Variants in DUSP29 observed in about 807,000 individuals in gnomAD.
DUSP29 encodes dual specificity phosphatase 29.
DUSP29 carries 12 observed loss-of-function variants against 13.5 expected under a neutral mutation model. That is an observed-to-expected ratio of 0.89 (90% CI 0.57 to 1.44). The LOEUF (loss-of-function observed/expected upper bound fraction) is 1.44. Among genes scored for constraint, DUSP29 ranks in the 40% most tolerant of loss-of-function variants. The pLI is 0.00. For synonymous variants in DUSP29, 134 were observed against 128.7 expected (o/e 1.04, Z -0.28); for missense variants, 308 against 301.1 (o/e 1.02, Z -0.17).
At chr10:75,073,134 C>T (rs776649066) in intron 1 of DUSP29, among the ~76,000 whole-genome samples, 15 of 152,148 alleles carry the variant, frequency 9.9e-5, no homozygotes, top group South Asian at 2.1e-4. Context: ...ATCCCTGGAG[C>T]TTTAAGTACT....
intron 2 of DUSP29, among the ~76,000 whole-genome samples, chr10:75,048,958 A>G (rs1395388613): frequency 6.6e-6 from 1 of 152,234 alleles, no homozygotes; most frequent in Non-Finnish European, 1.5e-5. Context: ...TTACACTGGC[A>G]GTACTTTCCT....
At chr10:75,051,342 C>T (rs984017256) in intron 2 of DUSP29, among the ~76,000 whole-genome samples, 1 of 152,212 alleles carries the variant, frequency 6.6e-6, no homozygotes, top group Non-Finnish European at 1.5e-5. Context: ...CACCGTGAGA[C>T]ATGTTTTGCT....
chr10:75,043,703 TG>T, intron 3 of DUSP29, 93 bp downstream of exon 3: 1 of 1,043,156 alleles, frequency 9.6e-7, no homozygotes, highest in Middle Eastern at 3.1e-4. Context: ...GGAGCCTTAG[TG>T]GGGCGGGGAA....
chr10:75,044,052 G>A (rs1209836134), intron 2 of DUSP29, 35 bp from the exon 3 acceptor site: 1 of 1,583,920 alleles, frequency 6.3e-7, no homozygotes, highest in African/African-American at 1.3e-5. Flanking sequence ...TGGGCGCGCG[G>A]CGCCCTGCCC....
At chr10:75,052,866 C>T (rs528447826) in intron 2 of DUSP29, among the ~76,000 whole-genome samples, 3 of 152,348 alleles carry the variant, frequency 2.0e-5, no homozygotes, top group South Asian at 2.1e-4. Context: ...CCTCTGGCTG[C>T]GCTAGTTATA....
chr10:75,055,042 A>C (rs1273518248), intron 2 of DUSP29, among the ~76,000 whole-genome samples: 1 of 152,118 alleles, frequency 6.6e-6, no homozygotes, highest in African/African-American at 2.4e-5. Context: ...GTGTCTTGCT[A>C]TATTGCTCAG....
At chr10:75,055,149 T>C (rs977207011) in intron 2 of DUSP29, among the ~76,000 whole-genome samples, 1 of 152,096 alleles carries the variant, frequency 6.6e-6, no homozygotes, top group African/African-American at 2.4e-5. Flanking sequence ...GCCTATTACT[T>C]TCATTATAGG....
In DUSP29 at chr10:75,043,799, T is replaced by C. The variant is rs1846640535; in HGVS notation, c.419A>G (p.His140Arg). 2 of 1,611,978 alleles carry C rather than the reference T, an allele frequency of 1.2e-6. No homozygotes were observed. Among genetic ancestry groups the C allele is most frequent in the African/African-American group, 1.3e-5 (1 of 74,852 alleles). ...AFIDRALSDD[H>R]SKILVHCVMG... ...GGGCGGGGCCGCGGGTCTCTTACTG[T>C]GGTCGTCGCTTAGCGCTCTGTCGAT... Residue 140 changes from histidine (H) to arginine (R), a missense_variant and splice_region_variant, in exon 3 of 4, where the codon CAC becomes CGC. By Grantham distance (29) the His-to-Arg change is conservative. Transcript: ENST00000338487.
At position 75,037,945 on chromosome 10, in the gene DUSP29, G is replaced by A. The variant is rs765918480; in HGVS notation, c.554C>T (p.Pro185Leu). ...GAGCTGCTTCAAAAAGCCCCGGTTCGGGAGGACGCAGCGGTTCTTGGCCAC... is the reference window on the plus strand; with the variant it reads ...GAGCTGCTTCAAAAAGCCCCGGTTCAGGAGGACGCAGCGGTTCTTGGCCAC... ...QQVAKNRCVL[P>L]NRGFLKQLRE... The change falls in exon 4 of 4, where the codon CCG (proline) becomes CTG (leucine). Residue 185 changes from proline (P) to leucine (L), a missense_variant. Pro to Leu is a moderately conservative substitution (Grantham distance 98, BLOSUM62 -3). Coordinates refer to ENST00000338487, the MANE Select transcript of DUSP29 (RefSeq NM_001003892.3). The A allele has an allele frequency of 5.3e-5, 86 of 1,613,788 alleles. No individual in the cohort carries two copies. Among genetic ancestry groups the A allele is most frequent in the Non-Finnish European group, 6.5e-5 (77 of 1,180,038 alleles).
chr10:75,044,386 G>A (rs1332713799), intron 2 of DUSP29, among the ~76,000 whole-genome samples: 2 of 152,056 alleles, frequency 1.3e-5, no homozygotes, highest in African/African-American at 2.4e-5. Context: ...TGTTCATCAG[G>A]GCTGCCTTCT....
At chr10:75,049,195 A>ATG (rs10639408) in intron 2 of DUSP29, among the ~76,000 whole-genome samples, 23,877 of 151,926 alleles carry the variant, frequency 0.16, 3,538 homozygotes, top group African/African-American at 0.38. Flanking sequence ...TACTATGTAA[A>ATG]TATAGCATGA....
chr10:75,038,140 G>A, intron 3 of DUSP29, 63 bp from the exon 4 acceptor site: 1 of 1,557,378 alleles, frequency 6.4e-7, no homozygotes, highest in South Asian at 1.2e-5. Context: ...GCACAGGTAG[G>A]GCCCACTCCC....
intron 2 of DUSP29, among the ~76,000 whole-genome samples, chr10:75,048,991 A>G (rs7918887): frequency 0.065 from 9,888 of 152,250 alleles, 683 homozygotes; most frequent in East Asian, 0.15. Context: ...GTGAAGTTGA[A>G]TGATGCAATA....
intron 2 of DUSP29, among the ~76,000 whole-genome samples, chr10:75,052,431 C>T (rs1347819384): frequency 3.3e-5 from 5 of 151,904 alleles, no homozygotes; most frequent in Admixed American, 3.3e-4. Context: ...CTCGGCCTCC[C>T]GAGTAGCTGG....
intron 1 of DUSP29, among the ~76,000 whole-genome samples, chr10:75,066,190 C>G (rs1190578034): frequency 2.0e-5 from 3 of 152,190 alleles, no homozygotes; most frequent in Non-Finnish European, 4.4e-5. Context: ...TGCGGCAGGA[C>G]TGAGGAAAGG....
intron 1 of DUSP29, among the ~76,000 whole-genome samples, chr10:75,061,899 A>G (rs1847096057): frequency 1.3e-5 from 2 of 152,206 alleles, no homozygotes; most frequent in Admixed American, 6.5e-5. Context: ...AAGGGCTGTG[A>G]GGCCTGTGCA....
chr10:75,067,904 C>T (rs1352611880), intron 1 of DUSP29, among the ~76,000 whole-genome samples: 3 of 152,128 alleles, frequency 2.0e-5, no homozygotes, highest in African/African-American at 7.2e-5. Context: ...CCTCCGCCTC[C>T]CAGATTCAAG....
intron 1 of DUSP29, among the ~76,000 whole-genome samples, chr10:75,068,204 C>G (rs1465508998): frequency 6.6e-6 from 1 of 152,158 alleles, no homozygotes; most frequent in East Asian, 1.9e-4. Context: ...GGTGCAGTGG[C>G]TCAGGCCTGT....
intron 1 of DUSP29, among the ~76,000 whole-genome samples, chr10:75,068,044 C>T (rs936767180): frequency 3.3e-5 from 5 of 152,170 alleles, no homozygotes; most frequent in East Asian, 1.9e-4. Context: ...AACTCCTGAC[C>T]TCAAATGATC....
Sources: gnomAD v4.1 joint callset for allele counts (sites outside exome capture counted in the v4.1 genomes callset) on GRCh38, gnomAD v4.1.1 for gene constraint, MANE v1.5 for transcripts, NCBI Gene and HGNC (gene_info 2026-07-23, HGNC 2026-07-21) for gene names.